Variants in KHDRBS3 observed in about 807,000 individuals in gnomAD.
The protein encoded by KHDRBS3 is KH domain-containing, RNA-binding, signal transduction-associated protein 3.
A neutral mutation model predicts 45.6 loss-of-function variants in KHDRBS3; 23 were observed. The ratio of observed to expected loss-of-function variants is 0.50; its 90% CI spans 0.36 to 0.72. KHDRBS3 has a LOEUF of 0.72. Among genes scored for constraint, KHDRBS3 ranks in the 30% least tolerant of loss-of-function variants. The pLI is 0.00. For synonymous variants in KHDRBS3, 162 were observed against 156.5 expected (o/e 1.04, Z -0.26); for missense variants, 352 against 424.8 (o/e 0.83, Z 1.51).
In KHDRBS3 at chr8:135,457,961, CGCCGGCCGTTAACT is replaced by C. The variant is rs1359964575; in HGVS notation, c.88+16_88+29del. Reference sequence around the variant, plus strand: ...CTGCGCCTGGTGAACCAAGGTGAGGCGCCGGCCGTTAACTGCCGGCCGGCGGCGGTTGGGGGCCG... The same window carrying C: ...CTGCGCCTGGTGAACCAAGGTGAGGCGCCGGCCGGCGGCGGTTGGGGGCCG... On this transcript the variant is annotated splice_region_variant and intron_variant, in intron 1 of 8. Coordinates refer to ENST00000355849, the MANE Select transcript of KHDRBS3 (RefSeq NM_006558.3). This position sits in a 1 kb window ranked among gnomAD's most constrained non-coding sequence, Gnocchi z 4.4. The C allele has an allele frequency of 6.3e-7, 1 of 1,586,224 alleles. No individual in the cohort carries two copies. The highest frequency in any genetic ancestry group is 1.4e-5 in the African/African-American group (1 of 73,396).
chr8:135,479,225 T>C (rs1360542322), intron 1 of KHDRBS3, among the ~76,000 whole-genome samples: 1 of 152,166 alleles, frequency 6.6e-6, no homozygotes, highest in Non-Finnish European at 1.5e-5. Flanking sequence ...TTAGATGAAA[T>C]GGACAAATTT....
At chr8:135,627,550 A>G (rs544006970) in intron 7 of KHDRBS3, among the ~76,000 whole-genome samples, 3 of 152,240 alleles carry the variant, frequency 2.0e-5, no homozygotes, top group African/African-American at 4.8e-5. Context: ...ACAAATGCCT[A>G]TTGGTTCTTA....
chr8:135,538,117 G>A (rs1347961643), intron 2 of KHDRBS3, among the ~76,000 whole-genome samples: 1 of 152,082 alleles, frequency 6.6e-6, no homozygotes, highest in African/African-American at 2.4e-5. Context: ...GAACGGTGTG[G>A]GGCAGTGCGA....
chr8:135,600,844 G>T (rs534896406), intron 6 of KHDRBS3, among the ~76,000 whole-genome samples: 2 of 152,226 alleles, frequency 1.3e-5, no homozygotes, highest in South Asian at 4.2e-4. Flanking sequence ...GAATACAGGT[G>T]CCCACCACCA....
In KHDRBS3 at chr8:135,548,799, A is replaced by G. The variant is rs1315312690; in HGVS notation, c.370A>G (p.Asn124Asp). Residue 124 changes from asparagine (N) to aspartate (D), a missense_variant, in exon 4 of 9, where the codon AAT becomes GAT. Physicochemically the swap from Asn to Asp is conservative, Grantham distance 23. This residue lies in a region of KHDRBS3 where 46 missense variants were observed against 45.9 expected (regional missense o/e 1.00). Transcript: ENST00000355849. The part of the protein sequence containing the change: ...KSGEAKYFHL[N>D]DDLHVLIEVF... Reference sequence around the variant, plus strand: ...TGGAGAAGCGAAGTACTTCCATCTCAATGATGATCTCCATGTTCTCATTGA... The same window carrying G: ...TGGAGAAGCGAAGTACTTCCATCTCGATGATGATCTCCATGTTCTCATTGA... 2 of 1,590,326 alleles carry G rather than the reference A, an allele frequency of 1.3e-6. No homozygotes were observed. Among genetic ancestry groups the G allele is most frequent in the Non-Finnish European group, 1.7e-6 (2 of 1,168,180 alleles).
At chr8:135,481,351 T>C (rs1200915456) in intron 1 of KHDRBS3, among the ~76,000 whole-genome samples, 1 of 151,356 alleles carries the variant, frequency 6.6e-6, no homozygotes, top group Admixed American at 6.6e-5. Flanking sequence ...TCAGTTCAGG[T>C]GTTATCACCT....
At chr8:135,634,400 G>T (rs1023817150) in intron 7 of KHDRBS3, among the ~76,000 whole-genome samples, 4 of 152,184 alleles carry the variant, frequency 2.6e-5, no homozygotes, top group African/African-American at 9.6e-5. Flanking sequence ...TTTGTAAGCT[G>T]ATAGGATTGC....
intron 7 of KHDRBS3, among the ~76,000 whole-genome samples, chr8:135,627,527 T>C (rs1830425108): frequency 6.6e-6 from 1 of 152,262 alleles, no homozygotes. Flanking sequence ...AGATGCATGT[T>C]AAACAGGCAG....
intron 2 of KHDRBS3, among the ~76,000 whole-genome samples, chr8:135,527,720 G>A (rs1825265550): frequency 6.6e-6 from 1 of 152,164 alleles, no homozygotes; most frequent in South Asian, 2.1e-4. Context: ...ATATCTCTAT[G>A]TATAATGCTC....
At chr8:135,536,945 C>T (rs1047195392) in intron 2 of KHDRBS3, among the ~76,000 whole-genome samples, 1 of 116,782 alleles carries the variant, frequency 8.6e-6, no homozygotes, top group Non-Finnish European at 1.6e-5. Context: ...CCGACCTGGG[C>T]GACAGAGCGA....
intron 4 of KHDRBS3, among the ~76,000 whole-genome samples, chr8:135,553,333 A>G (rs367972057): frequency 2.0e-5 from 3 of 152,098 alleles, no homozygotes; most frequent in African/African-American, 7.2e-5. Context: ...CCATTTCGTC[A>G]GTTTTTATTT....
intron 1 of KHDRBS3, among the ~76,000 whole-genome samples, chr8:135,510,438 G>T (rs926042040): frequency 6.6e-6 from 1 of 152,098 alleles, no homozygotes; most frequent in Non-Finnish European, 1.5e-5. Flanking sequence ...GAGGATAGTT[G>T]ATGGTGCTTT....
intron 2 of KHDRBS3, among the ~76,000 whole-genome samples, chr8:135,536,695 T>C (rs1652950138): frequency 6.6e-6 from 1 of 150,722 alleles, no homozygotes; most frequent in Admixed American, 6.6e-5. Context: ...GCGCGGTGGC[T>C]CACGCCTGTA....
chr8:135,603,299 GATTTA>G (rs1226342616), intron 6 of KHDRBS3, among the ~76,000 whole-genome samples: 10 of 152,322 alleles, frequency 6.6e-5, no homozygotes, highest in African/African-American at 2.2e-4. Flanking sequence ...AAGTGATGAA[GATTTA>G]ATTTAATAGG....
rs191509144 is a variant in KHDRBS3 at position 135,653,536 on chromosome 8, G to A, written c.*118-2690G>A. Among the ~76,000 whole-genome samples, 518 of 152,266 alleles carry A rather than the reference G, an allele frequency of 3.4e-3. 4 individuals are homozygous for A. Among genetic ancestry groups the A allele is most frequent in the African/African-American group, 0.012 (507 of 41,542 alleles). ...TATCTTTTCTGCAGCTAGCCATAGT[G>A]GTATGATACTCTTGCCATGCCAGGC... On this transcript the variant is annotated intron_variant and NMD_transcript_variant, in intron 4 of 4. Coordinates refer to the KHDRBS3 transcript ENST00000521461.
rs535094560 is a variant in KHDRBS3 at position 135,506,181 on chromosome 8, A to G, written c.89-15056A>G. On this transcript the variant is annotated intron_variant, in intron 1 of 8. Coordinates refer to ENST00000355849, the MANE Select transcript of KHDRBS3 (RefSeq NM_006558.3). ...ACCATGCTTTTTCATGAAGAATATC[A>G]TCATTTATTCACTTGTATTCACTCA... Among the ~76,000 whole-genome samples the G allele has an allele frequency of 2.6e-4, 39 of 152,292 alleles. No homozygotes were observed. In the South Asian group the frequency reaches 8.1e-3, roughly 32 times the overall value.
At chr8:135,502,411 C>A (rs1375930045) in intron 1 of KHDRBS3, among the ~76,000 whole-genome samples, 4 of 152,156 alleles carry the variant, frequency 2.6e-5, no homozygotes, top group African/African-American at 9.7e-5. Context: ...CTCCACATAT[C>A]CAAGCCCATT....
downstream of KHDRBS3, among the ~76,000 whole-genome samples, chr8:135,650,546 T>C (rs1174078657): frequency 1.3e-5 from 2 of 152,240 alleles, no homozygotes; most frequent in Admixed American, 6.5e-5. Context: ...AAATTTAAGC[T>C]TCAGGAGGTG....
chr8:135,475,948 A>C (rs1185284056), intron 1 of KHDRBS3, among the ~76,000 whole-genome samples: 1 of 152,172 alleles, frequency 6.6e-6, no homozygotes, highest in African/African-American at 2.4e-5. Context: ...AAATTACAGT[A>C]GATTAAAATG....
Sources: gnomAD v4.1 joint callset for allele counts (sites outside exome capture counted in the v4.1 genomes callset) on GRCh38, gnomAD v4.1.1 for gene constraint, gnomAD v4.1.1 regional missense constraint, Gnocchi (gnomAD v3.1) non-coding constraint, MANE v1.5 for transcripts, NCBI Gene and HGNC (gene_info 2026-07-23, HGNC 2026-07-21) for gene names.